Variants in TNKS observed in about 807,000 individuals in gnomAD.
TNKS encodes poly [ADP-ribose] polymerase tankyrase-1.
A neutral mutation model predicts 135.8 loss-of-function variants in TNKS; 72 were observed. That is an observed-to-expected ratio of 0.53 (90% CI 0.44 to 0.64). The LOEUF (loss-of-function observed/expected upper bound fraction) is 0.64. Among genes scored for constraint, TNKS ranks in the 30% least tolerant of loss-of-function variants. The pLI, the probability that TNKS is intolerant of heterozygous loss-of-function variation, is 0.00. For missense variants in TNKS, 1,769 were observed against 1,674.0 expected, an observed-to-expected ratio of 1.06 and a Z score of -0.99; for synonymous variants, 849 against 649.3, an observed-to-expected ratio of 1.31 and a Z score of -4.68.
chr8:9,615,294 C>G (rs1799597498), intron 2 of TNKS: 3 of 224,600 alleles, frequency 1.3e-5, no homozygotes, highest in Non-Finnish European at 2.6e-5. Context: ...GCTTCCCATA[C>G]TGCTGCTTGA....
At chr8:9,770,539 C>G (rs1186894990) in intron 26 of TNKS, among the ~76,000 whole-genome samples, 1 of 152,234 alleles carries the variant, frequency 6.6e-6, no homozygotes, top group African/African-American at 2.4e-5. Context: ...AGGCCTGCAG[C>G]TCTGAACTAA....
In TNKS at chr8:9,777,454, A is replaced by C. The variant is rs763707184; in HGVS notation, c.*718A>C. 1 of 152,294 alleles carries C rather than the reference A, an allele frequency of 6.6e-6. No individual in the cohort carries two copies. The highest frequency in any genetic ancestry group is 1.5e-5 in the Non-Finnish European group (1 of 68,086). The allele number at this position is 152,294 out of a possible 1,614,324, so 9.4% of individuals were successfully genotyped here. On this transcript the variant is annotated 3_prime_UTR_variant, in exon 27 of 27. Coordinates refer to ENST00000310430, the MANE Select transcript of TNKS (RefSeq NM_003747.3). Reference sequence around the variant, plus strand: ...GGCCTATCTTACAAGAGAAGGGCACAAACACCAACCTGACTTAGGAACGCC... The same window carrying C: ...GGCCTATCTTACAAGAGAAGGGCACCAACACCAACCTGACTTAGGAACGCC...
chr8:9,732,626 G>A (rs1385007085), intron 14 of TNKS, among the ~76,000 whole-genome samples: 1 of 148,958 alleles, frequency 6.7e-6, no homozygotes, highest in Admixed American at 6.7e-5. Flanking sequence ...TCTGCCATGT[G>A]TTAACTTCAA....
intron 2 of TNKS, among the ~76,000 whole-genome samples, chr8:9,590,568 C>T (rs1426002783): frequency 6.6e-6 from 1 of 152,152 alleles, no homozygotes; most frequent in Non-Finnish European, 1.5e-5. Context: ...TACTTTGCAC[C>T]ACATCCCTGG....
chr8:9,768,975 C>G (rs1024429404), intron 25 of TNKS, among the ~76,000 whole-genome samples: 1 of 152,198 alleles, frequency 6.6e-6, no homozygotes, highest in African/African-American at 2.4e-5. Flanking sequence ...TACTCCATTA[C>G]TAAAAACAAT....
At chr8:9,561,919 C>G (rs1585168216) in intron 1 of TNKS, among the ~76,000 whole-genome samples, 1 of 152,204 alleles carries the variant, frequency 6.6e-6, no homozygotes, top group East Asian at 1.9e-4. Flanking sequence ...TCGGTTCAAG[C>G]GATTCTCCTG....
At chr8:9,669,453 A>T (rs1056511781) in intron 3 of TNKS, among the ~76,000 whole-genome samples, 1 of 152,050 alleles carries the variant, frequency 6.6e-6, no homozygotes, top group Non-Finnish European at 1.5e-5. Context: ...AAGAATGGAA[A>T]AAAGAAAGTA....
chr8:9,729,926 G>A (rs1427897148), intron 13 of TNKS, among the ~76,000 whole-genome samples: 2 of 151,602 alleles, frequency 1.3e-5, no homozygotes, highest in Admixed American at 6.6e-5. Flanking sequence ...ACAGGCACGC[G>A]CCACCATGCC....
chr8:9,752,720 T>G, intron 20 of TNKS, 94 bp downstream of exon 20: 1 of 819,902 alleles, frequency 1.2e-6, no homozygotes, highest in Non-Finnish European at 1.9e-6. Flanking sequence ...CACTTTGGAA[T>G]GCTTCGGCAG....
rs1461745863 is a variant in TNKS at position 9,619,992 on chromosome 8, C to T, written c.994+4315C>T. Among the ~76,000 whole-genome samples, 8 of 151,658 alleles carry T rather than the reference C, an allele frequency of 5.3e-5. No homozygotes were observed. The East Asian group carries it at 1.5e-3, about 29-fold the overall frequency. On this transcript the variant is annotated intron_variant, in intron 3 of 26. Transcript: ENST00000310430. ...TTGCGACGGAGTCTCACTCTGTCGCCAGGTTGGAGTGCAGTGGCGCTATCT... is the reference window on the plus strand; with the variant it reads ...TTGCGACGGAGTCTCACTCTGTCGCTAGGTTGGAGTGCAGTGGCGCTATCT...
Position 9,706,792 on chromosome 8 carries a change from GT to G in TNKS, c.1270-11del, listed in dbSNP as rs762993881. ...AGCAAAATGATTACTGACCTAAAAT[GT>G]TTTTTTTCTCAATTCAGCATGGAGC... On this transcript the variant is annotated intron_variant, in intron 7 of 26. Coordinates refer to ENST00000310430, the MANE Select transcript of TNKS (RefSeq NM_003747.3). The G allele has an allele frequency of 4.4e-6, 7 of 1,579,838 alleles. No homozygotes were observed. The highest frequency in any genetic ancestry group is 1.4e-5 in the African/African-American group (1 of 72,560).
intron 2 of TNKS, among the ~76,000 whole-genome samples, chr8:9,590,589 C>G (rs1585204361): frequency 6.6e-6 from 1 of 152,210 alleles, no homozygotes; most frequent in East Asian, 1.9e-4. Context: ...CATAATAAAG[C>G]TCTGTGCTTG....
At position 9,780,148 on chromosome 8, in the gene TNKS, T is replaced by G. The variant is rs1808398098; in HGVS notation, c.*3412T>G. ...GCAATAAGTTGTCTAGGTTTTTCTGTTTCAGTGTCTCTCCCAATGGCACGA... is the reference window on the plus strand; with the variant it reads ...GCAATAAGTTGTCTAGGTTTTTCTGGTTCAGTGTCTCTCCCAATGGCACGA... On this transcript the variant is annotated 3_prime_UTR_variant, in exon 27 of 27. Transcript: ENST00000310430. 6.6e-6 allele frequency: 1 copy of G among 152,214 alleles called. No individual in the cohort carries two copies. The highest frequency in any genetic ancestry group is 2.4e-5 in the African/African-American group (1 of 41,450). The allele number at this position is 152,214 out of a possible 1,614,324, so 9.4% of individuals were successfully genotyped here.
rs1298205146 is a variant in TNKS, at chr8:9,720,357, A to G, written c.1750-17A>G. On this transcript the variant is annotated splice_polypyrimidine_tract_variant and intron_variant, in intron 11 of 26. Coordinates refer to ENST00000310430, the MANE Select transcript of TNKS (RefSeq NM_003747.3). ...ACAAGATGCTCAATTCCATGTGCCC[A>G]CGCAATGATTTTTCAGATGAATGCA... is the stretch of plus-strand genomic sequence containing the variant. The G allele has an allele frequency of 6.4e-7, 1 of 1,569,416 alleles. No individual in the cohort carries two copies. The highest frequency in any genetic ancestry group is 8.6e-7 in the Non-Finnish European group (1 of 1,156,816).
intron 3 of TNKS, among the ~76,000 whole-genome samples, chr8:9,649,044 A>C (rs1259407637): frequency 1.3e-5 from 2 of 152,220 alleles, no homozygotes; most frequent in East Asian, 3.8e-4. Context: ...TGGCTATTTG[A>C]AATTGCTGAA....
chr8:9,770,265 A>G lies in TNKS; in HGVS notation c.3897+3A>G, dbSNP rs374253165. ...ATGTCATCTACAGAGGAGAACAGGT[A>G]TGTTACTCATCAAACAAGCATAACC... On this transcript the variant is annotated splice_donor_region_variant and intron_variant, in intron 26 of 26. Transcript: ENST00000310430. The G allele has an allele frequency of 1.2e-6, 2 of 1,605,542 alleles. No individual in the cohort carries two copies. The highest frequency in any genetic ancestry group is 1.3e-5 in the African/African-American group (1 of 74,792).
At chr8:9,764,811 G>T in intron 23 of TNKS, 21 bp downstream of exon 23, 1 of 1,559,826 alleles carries the variant, frequency 6.4e-7, no homozygotes, top group Non-Finnish European at 8.7e-7. Context: ...AAAGTTTCAT[G>T]GTGAAAACTG....
At chr8:9,687,657 T>C (rs11776236) in intron 5 of TNKS, among the ~76,000 whole-genome samples, 94,475 of 151,894 alleles carry the variant, frequency 0.62, 29,795 homozygotes, top group Middle Eastern at 0.72. Context: ...AGCAGCAAGA[T>C]GATAAAACTT....
At chr8:9,705,852 G>A (rs888268964) in intron 6 of TNKS, among the ~76,000 whole-genome samples, 7 of 152,150 alleles carry the variant, frequency 4.6e-5, no homozygotes, top group Non-Finnish European at 1.0e-4. Flanking sequence ...TAAAATGGTG[G>A]AATATTTCAG....
Sources: allele counts gnomAD v4.1 joint callset (sites outside exome capture counted in the v4.1 genomes callset), GRCh38; gene constraint gnomAD v4.1.1; transcripts MANE v1.5; gene names NCBI Gene and HGNC (gene_info 2026-07-23, HGNC 2026-07-21).